CUBN: variants seen among roughly 807,000 people sequenced by gnomAD.
CUBN encodes the protein cubilin, also known as 460 kDa receptor.
In CUBN, 282 loss-of-function variants were observed where a neutral mutation model predicts 405.3. The observed-to-expected ratio is 0.70, with a 90% confidence interval of 0.63 to 0.77. The LOEUF (loss-of-function observed/expected upper bound fraction) is 0.77. Ranked by LOEUF, CUBN falls within the 30% of genes least tolerant of loss-of-function variation. CUBN has a pLI of 0.00. For missense variants in CUBN, 4,514 were observed against 4,475.2 expected, an observed-to-expected ratio of 1.01 and a Z score of -0.25; for synonymous variants, 1,684 against 1,617.0, an observed-to-expected ratio of 1.04 and a Z score of -0.99.
intron 41 of CUBN, 44 bp from the exon 42 acceptor site, chr10:16,925,818 C>A (rs1378880551): frequency 6.4e-7 from 1 of 1,569,078 alleles, no homozygotes. Context: ...ATAGCATTGG[C>A]AACTGGATTT....
chr10:16,939,955 T>C (rs1842608735), intron 37 of CUBN, 77 bp downstream of exon 37: 1 of 1,187,412 alleles, frequency 8.4e-7, no homozygotes, highest in Non-Finnish European at 1.3e-6. Flanking sequence ...TCTTGCTTAA[T>C]ATATTACTGA....
intron 10 of CUBN, 85 bp from the exon 11 acceptor site, chr10:17,105,660 G>C: frequency 1.3e-6 from 1 of 780,266 alleles, no homozygotes; most frequent in Non-Finnish European, 2.3e-6. Context: ...CTGCTGTCTA[G>C]ACAAGGATCC....
chr10:16,931,964 A>G (rs981831830), intron 40 of CUBN, among the ~76,000 whole-genome samples: 1 of 152,264 alleles, frequency 6.6e-6, no homozygotes, highest in African/African-American at 2.4e-5. Context: ...AAGGATGCAC[A>G]TCCTTTCCAT....
At chr10:17,030,756 TAAAAATAC>T (rs1834769736) in intron 27 of CUBN, among the ~76,000 whole-genome samples, 3 of 152,008 alleles carry the variant, frequency 2.0e-5, no homozygotes, top group Admixed American at 1.3e-4. Context: ...CCATTTCTAC[TAAAAATAC>T]AAAAATTAGC....
intron 27 of CUBN, among the ~76,000 whole-genome samples, chr10:17,032,217 G>T (rs1834802163): frequency 6.6e-6 from 1 of 152,156 alleles, no homozygotes; most frequent in African/African-American, 2.4e-5. Flanking sequence ...GCAGGAGCTG[G>T]GCTCTCTCCA....
chr10:16,908,634 C>A (rs1841626263), intron 48 of CUBN, among the ~76,000 whole-genome samples: 1 of 152,060 alleles, frequency 6.6e-6, no homozygotes, highest in African/African-American at 2.4e-5. Context: ...CACATAGTTA[C>A]AATAATTCGC....
At chr10:16,861,219 T>A (rs1239507591) in intron 59 of CUBN, among the ~76,000 whole-genome samples, 1 of 151,834 alleles carries the variant, frequency 6.6e-6, no homozygotes, top group African/African-American at 2.4e-5. Flanking sequence ...TGGAGTGCAG[T>A]GCTGTGATCT....
At position 16,918,768 on chromosome 10, in the gene CUBN, C is replaced by T; in HGVS notation, c.6854G>A (p.Gly2285Glu). Residue 2285 changes from glycine (G) to glutamate (E), a missense_variant, in exon 45 of 67, where the codon GGA becomes GAA. This residue lies in a region of CUBN where 1,613 missense variants were observed against 1,542.8 expected (regional missense o/e 1.05). Coordinates refer to ENST00000377833, the MANE Select transcript of CUBN (RefSeq NM_001081.4). ...AAGTATTGGTGCATCCGAATCCACT[C>T]CATCCCGCAACTCAAGGTAGTTGGA... ...CTSNYLELRDGVDSDAPILSK... is the reference protein window; with the variant it reads ...CTSNYLELRDEVDSDAPILSK... 2 of 1,613,854 alleles carry T rather than the reference C, an allele frequency of 1.2e-6. No individual in the cohort carries two copies. Among genetic ancestry groups the T allele is most frequent in the African/African-American group, 1.3e-5 (1 of 75,010 alleles).
intron 66 of CUBN, among the ~76,000 whole-genome samples, chr10:16,826,139 A>T (rs562251522): frequency 1.8e-4 from 28 of 152,234 alleles, no homozygotes; most frequent in African/African-American, 6.0e-4. Flanking sequence ...GCTGCAAGGG[A>T]TATAGGATTT....
chr10:16,890,037 A>C (rs1840956370), intron 55 of CUBN, among the ~76,000 whole-genome samples: 1 of 149,976 alleles, frequency 6.7e-6, no homozygotes, highest in South Asian at 2.1e-4. Flanking sequence ...CAAGCCCCCC[A>C]CGGGATTTTG....
intron 6 of CUBN, among the ~76,000 whole-genome samples, chr10:17,117,143 T>C (rs1377086880): frequency 4.6e-5 from 7 of 151,998 alleles, no homozygotes; most frequent in Non-Finnish European, 1.0e-4. Context: ...GACATTTATA[T>C]TCCCCGCATC....
chr10:17,071,948 A>C lies in CUBN; in HGVS notation c.2325T>G (p.Leu775=). The C allele has an allele frequency of 6.2e-7, 1 of 1,612,954 alleles. No individual in the cohort carries two copies. Among genetic ancestry groups the C allele is most frequent in the Non-Finnish European group, 8.5e-7 (1 of 1,179,562 alleles). The change falls in exon 18 of 67, where the codon CTT becomes CTG. Residue 775 remains leucine (L), a synonymous_variant. Coordinates refer to ENST00000377833, the MANE Select transcript of CUBN (RefSeq NM_001081.4). ...TGGTTCCGTTGCCACAGACTTTTCC[A>C]AGTAAGGTTTCACCATCTCGAACCT... is the stretch of plus-strand genomic sequence containing the variant. ...YIEVRDGETL[L]GKVCGNGTIS...
At chr10:16,859,367 G>A (rs1588594471) in intron 59 of CUBN, among the ~76,000 whole-genome samples, 1 of 152,094 alleles carries the variant, frequency 6.6e-6, no homozygotes, top group Non-Finnish European at 1.5e-5. Flanking sequence ...CGAAAAGCAC[G>A]TGAAAATTGT....
In CUBN at chr10:17,103,022, G is replaced by A. The variant is rs896795450; in HGVS notation, c.1530+103C>T. The A allele has an allele frequency of 6.4e-6, 5 of 779,252 alleles. No individual in the cohort carries two copies. In the Admixed American group the frequency reaches 1.0e-4, roughly 16 times the overall value. The allele number at this position is 779,252 out of a possible 1,614,324, so 48.3% of individuals were successfully genotyped here. A position where few individuals can be genotyped will look rare whatever the true frequency, so the allele number is the denominator to read the frequency against. ...CTTAGTAAGCACTCAATATATGATA[G>A]TTGAATTATCATTGCATGTATTTTA... On this transcript the variant is annotated intron_variant, in intron 13 of 66. Coordinates refer to ENST00000377833, the MANE Select transcript of CUBN (RefSeq NM_001081.4).
chr10:16,852,841 C>G (rs1326995547), intron 59 of CUBN, among the ~76,000 whole-genome samples: 1 of 152,158 alleles, frequency 6.6e-6, no homozygotes, highest in Non-Finnish European at 1.5e-5. Context: ...TTGCTGCCAA[C>G]AAATCTTTTA....
intron 29 of CUBN, among the ~76,000 whole-genome samples, chr10:16,984,950 C>T (rs1418955924): frequency 6.6e-6 from 1 of 152,154 alleles, no homozygotes; most frequent in African/African-American, 2.4e-5. Context: ...GCTCCCAGCA[C>T]GCCCATGCCC....
In CUBN at chr10:16,900,901, C is replaced by T. The variant is rs370260113; in HGVS notation, c.8185-51G>A. On this transcript the variant is annotated intron_variant, in intron 52 of 66. Transcript: ENST00000377833. Reference sequence around the variant, plus strand: ...GTCAGTGAGCTTTTATCAACTGTTACGAAGATAAGGCCCTTACAAATCGTT... The same window carrying T: ...GTCAGTGAGCTTTTATCAACTGTTATGAAGATAAGGCCCTTACAAATCGTT... 1.3e-4 allele frequency: 155 copies of T among 1,198,288 alleles called. 1 individual carries two copies. In the South Asian group the frequency reaches 1.5e-3, roughly 11 times the overall value. 74.2% of individuals were successfully genotyped at this position (1,198,288 alleles called of 1,614,324 possible).
At chr10:17,044,947 T>A (rs1835092771) in intron 25 of CUBN, 60 bp downstream of exon 25, 2 of 1,467,460 alleles carry the variant, frequency 1.4e-6, no homozygotes, top group Admixed American at 3.3e-5. Context: ...TAAAAATAAG[T>A]GCATTGTGCG....
rs1030224915 is a variant in CUBN, at chr10:17,022,619, G to A, written c.4018-2636C>T. Among the ~76,000 whole-genome samples the A allele has an allele frequency of 9.2e-5, 14 of 152,274 alleles. No homozygotes were observed. In the South Asian group the frequency reaches 1.7e-3, roughly 18 times the overall value. On this transcript the variant is annotated intron_variant, in intron 27 of 66. Transcript: ENST00000377833. ...CCTGCAGGCGGAGAAACCGGAGGGC[G>A]AGAGGCCAACCTTGCAGCCTGTGCT...
Sources: gnomAD v4.1 joint callset for allele counts (sites outside exome capture counted in the v4.1 genomes callset) on GRCh38, gnomAD v4.1.1 for gene constraint, gnomAD v4.1.1 regional missense constraint, MANE v1.5 for transcripts, NCBI Gene and HGNC (gene_info 2026-07-23, HGNC 2026-07-21) for gene names.